The following CALCRL variants were observed in gnomAD, a reference collection of about 807,000 sequenced individuals.
CALCRL encodes the protein calcitonin gene-related peptide type 1 receptor.
Under a neutral mutation model 60.4 loss-of-function variants are expected in CALCRL, and 27 were observed. The observed-to-expected ratio is 0.45, with a 90% CI of 0.33 to 0.62. The LOEUF (loss-of-function observed/expected upper bound fraction) is 0.62, where lower values mean the gene tolerates loss of function less well. Among genes scored for constraint, CALCRL ranks in the 20% least tolerant of loss-of-function variants. CALCRL has a pLI of 0.03. For synonymous variants in CALCRL, 190 were observed against 182.6 expected, an observed-to-expected ratio of 1.04 and a Z score of -0.33; for missense variants, 424 against 540.7, an observed-to-expected ratio of 0.78 and a Z score of 2.14.
In CALCRL at chr2:187,383,191, G is replaced by A. The variant is rs202148636; in HGVS notation, c.166C>T (p.Pro56Ser). ...TGCTTACCTTCTGCTTGTTGAATGG[G>A]GTCTTGCATAATCTTTTGGTAACAT... ...YECYQKIMQD[P>S]IQQAEGVYCN... Residue 56 changes from proline (P) to serine (S), a missense_variant, in exon 5 of 15, where the codon CCC becomes TCC. Transcript: ENST00000392370. 5.0e-6 allele frequency: 8 copies of A among 1,608,632 alleles called. No homozygotes were observed. In the East Asian group the frequency reaches 1.8e-4, roughly 36 times the overall value.
chr2:187,344,523 G>A lies in CALCRL; in HGVS notation c.*1661C>T, dbSNP rs1686203159. 1 of 151,548 alleles carries A rather than the reference G, an allele frequency of 6.6e-6. No homozygotes were observed. Among genetic ancestry groups the A allele is most frequent in the Admixed American group, 6.6e-5 (1 of 15,162 alleles). The allele number at this position is 151,548 out of a possible 1,614,324, so 9.4% of individuals were successfully genotyped here. A position where few individuals can be genotyped will look rare whatever the true frequency, so the allele number is the denominator to read the frequency against. On this transcript the variant is annotated 3_prime_UTR_variant, in exon 15 of 15. Transcript: ENST00000392370. ...TTCTTGTTCTTTAGAGATTTCAGCG[G>A]AAAATAACATTAGAGAAACTGAATC...
intron 1 of CALCRL, among the ~76,000 whole-genome samples, chr2:187,397,418 A>G (rs1688708289): frequency 6.6e-6 from 1 of 151,664 alleles, no homozygotes; most frequent in South Asian, 2.1e-4. Flanking sequence ...CTGAGCCTAT[A>G]TATAACCCAA....
At chr2:187,392,923 C>G (rs1688509883) in intron 1 of CALCRL, among the ~76,000 whole-genome samples, 1 of 152,042 alleles carries the variant, frequency 6.6e-6, no homozygotes, top group Non-Finnish European at 1.5e-5. Flanking sequence ...CCCACTTCAA[C>G]CTAGCTTGGA....
chr2:187,375,518 T>C (rs1687720377), intron 8 of CALCRL, among the ~76,000 whole-genome samples: 1 of 152,200 alleles, frequency 6.6e-6, no homozygotes, highest in Non-Finnish European at 1.5e-5. Context: ...TTTAACAAAG[T>C]GTTGCCAATG....
chr2:187,363,460 G>C lies in CALCRL; in HGVS notation c.543C>G (p.Phe181Leu). 1 of 1,607,870 alleles carries C rather than the reference G, an allele frequency of 6.2e-7. No individual in the cohort carries two copies. Among genetic ancestry groups the C allele is most frequent in the Non-Finnish European group, 8.5e-7 (1 of 1,176,978 alleles). The change falls in exon 9 of 15, where the codon TTC becomes TTG. Residue 181 changes from phenylalanine to leucine, a missense_variant. Around this residue, in one of 7 missense-constraint regions of CALCRL, gnomAD observed 4 missense variants for 19.0 expected, o/e 0.21. Coordinates refer to ENST00000392370, the MANE Select transcript of CALCRL (RefSeq NM_005795.6). ...CAACAGAGTTACAAACAAATGAGAA[G>C]AACAGATTTTTGTGTAAGGTAATCC... The part of the protein sequence containing the change: ...CQRITLHKNL[F>L]FSFVCNSVVT...
intron 8 of CALCRL, among the ~76,000 whole-genome samples, chr2:187,374,482 G>A (rs1392535661): frequency 1.3e-5 from 2 of 152,040 alleles, no homozygotes; most frequent in Admixed American, 6.6e-5. Flanking sequence ...TCTCTTCACT[G>A]CTTATGGCTT....
chr2:187,357,624 G>A (rs140859463), intron 12 of CALCRL, among the ~76,000 whole-genome samples: 11,055 of 134,370 alleles, frequency 0.082, 574 homozygotes, highest in South Asian at 0.16. Flanking sequence ...TGTTCTCATT[G>A]TTCAATTCCC....
chr2:187,345,534 G>A lies in CALCRL; in HGVS notation c.*650C>T, dbSNP rs916666229. 2.0e-5 allele frequency: 3 copies of A among 152,072 alleles called. No individual in the cohort carries two copies. Among genetic ancestry groups the A allele is most frequent in the Non-Finnish European group, 4.4e-5 (3 of 67,870 alleles). 9.4% of individuals were successfully genotyped at this position (152,072 alleles called of 1,614,324 possible). ...TTCATCCAGTTTCCACAATGGATAT[G>A]CCACAAGATATAACTGATGTGTCAG... On this transcript the variant is annotated 3_prime_UTR_variant, in exon 15 of 15. Transcript: ENST00000392370.
chr2:187,403,907 A>T (rs1689003374), intron 1 of CALCRL, among the ~76,000 whole-genome samples: 1 of 151,900 alleles, frequency 6.6e-6, no homozygotes, highest in Non-Finnish European at 1.5e-5. Context: ...CAGGAAGGAG[A>T]TCCTTGCTGA....
rs925248767 is a variant in CALCRL at position 187,381,894 on chromosome 2, T to A, written c.185-1107A>T. Among the ~76,000 whole-genome samples, 5 of 152,236 alleles carry A rather than the reference T, an allele frequency of 3.3e-5. No individual in the cohort carries two copies. The East Asian group carries it at 9.6e-4, about 29-fold the overall frequency. Reference sequence around the variant, plus strand: ...AATAGAACAAAATTCTGATGGCCTGTAAGTTCAAGTAAATTGAAATAAAAA... The same window carrying A: ...AATAGAACAAAATTCTGATGGCCTGAAAGTTCAAGTAAATTGAAATAAAAA... On this transcript the variant is annotated intron_variant, in intron 5 of 14. Coordinates refer to ENST00000392370, the MANE Select transcript of CALCRL (RefSeq NM_005795.6).
In CALCRL at chr2:187,414,620, G is replaced by C. The variant is rs79996754; in HGVS notation, c.-292-26864C>G. 4.1e-3 allele frequency among the ~76,000 whole-genome samples: 624 copies of C among 152,082 alleles called. 8 individuals carry two copies. The highest frequency in any genetic ancestry group is 0.014 in the African/African-American group (580 of 41,478). Reference sequence around the variant, plus strand: ...CTTGGCTAAAAAATGACATCTGACTGGCATCCTATTCATGATATGCCATCT... The same window carrying C: ...CTTGGCTAAAAAATGACATCTGACTCGCATCCTATTCATGATATGCCATCT... On this transcript the variant is annotated intron_variant, in intron 1 of 14. Transcript: ENST00000392370.
At chr2:187,426,232 G>C (rs1485424629) in intron 1 of CALCRL, among the ~76,000 whole-genome samples, 1 of 142,126 alleles carries the variant, frequency 7.0e-6, no homozygotes, top group South Asian at 2.5e-4. Context: ...TATGGTGTCT[G>C]TCATTTATTA....
intron 1 of CALCRL, among the ~76,000 whole-genome samples, chr2:187,444,248 G>A (rs1256288000): frequency 6.6e-6 from 1 of 151,504 alleles, no homozygotes; most frequent in African/African-American, 2.4e-5. Flanking sequence ...AATTCAAAAA[G>A]ATATGTTCCA....
Position 187,345,286 on chromosome 2 carries a change from C to T in CALCRL, c.*898G>A, listed in dbSNP as rs1313672394. 1 of 152,022 alleles carries T rather than the reference C, an allele frequency of 6.6e-6. No homozygotes were observed. Among genetic ancestry groups the T allele is most frequent in the East Asian group, 1.9e-4 (1 of 5,186 alleles). The allele number at this position is 152,022 out of a possible 1,614,324, so 9.4% of individuals were successfully genotyped here. A position where few individuals can be genotyped will look rare whatever the true frequency, so the allele number is the denominator to read the frequency against. On this transcript the variant is annotated 3_prime_UTR_variant, in exon 15 of 15. Coordinates refer to ENST00000392370, the MANE Select transcript of CALCRL (RefSeq NM_005795.6). ...GCTCATTTTTCACAATTTCTTTTTA[C>T]AAAATTCCAAGAAAATAAGAAATCC...
rs536932384 is a variant in CALCRL, at chr2:187,393,602, G to A, written c.-292-5846C>T. Among the ~76,000 whole-genome samples the A allele has an allele frequency of 4.6e-5, 7 of 152,084 alleles. 1 individual carries two copies. In the South Asian group the frequency reaches 8.3e-4, roughly 18 times the overall value. ...TAGGGCAGGCAGCATATTCATCTCC[G>A]GGGCTACACACCCTAACAAAGTGAT... On this transcript the variant is annotated intron_variant, in intron 1 of 14. Coordinates refer to ENST00000392370, the MANE Select transcript of CALCRL (RefSeq NM_005795.6).
At chr2:187,364,697 A>G (rs1487340453) in intron 8 of CALCRL, among the ~76,000 whole-genome samples, 1 of 152,148 alleles carries the variant, frequency 6.6e-6, no homozygotes, top group Non-Finnish European at 1.5e-5. Context: ...CTCTGAAATT[A>G]CCTTTCTTCC....
intron 1 of CALCRL, among the ~76,000 whole-genome samples, chr2:187,422,864 T>C (rs983388093): frequency 2.6e-5 from 4 of 152,002 alleles, no homozygotes; most frequent in Non-Finnish European, 5.9e-5. Context: ...TGCTTCTCAA[T>C]TTTTAGTGTA....
chr2:187,359,001 G>A, intron 12 of CALCRL, 62 bp downstream of exon 12: 7 of 1,337,000 alleles, frequency 5.2e-6, no homozygotes, highest in Non-Finnish European at 7.5e-6. Flanking sequence ...CCATAGGCCA[G>A]ATGATTCAGA....
At chr2:187,440,385 C>T (rs1690842559) in intron 1 of CALCRL, among the ~76,000 whole-genome samples, 1 of 152,092 alleles carries the variant, frequency 6.6e-6, no homozygotes, top group Non-Finnish European at 1.5e-5. Flanking sequence ...CATCTAACAT[C>T]TTTTATTTCT....
Sources: gnomAD v4.1 joint callset for allele counts (sites outside exome capture counted in the v4.1 genomes callset) on GRCh38, gnomAD v4.1.1 for gene constraint, gnomAD v4.1.1 regional missense constraint, MANE v1.5 for transcripts, NCBI Gene and HGNC (gene_info 2026-07-23, HGNC 2026-07-21) for gene names.